The following SEMA4D variants were observed in gnomAD, a reference collection of about 807,000 sequenced individuals.
SEMA4D encodes semaphorin-4D.
SEMA4D carries 22 observed loss-of-function variants against 74.8 expected under a neutral mutation model. That is an observed-to-expected ratio of 0.29 (90% confidence interval 0.21 to 0.42). The LOEUF is 0.42. Ranked by LOEUF, SEMA4D falls within the 10% of genes least tolerant of loss-of-function variation. The pLI is 1.00. For synonymous variants in SEMA4D, 445 were observed against 463.7 expected (o/e 0.96, Z 0.52); for missense variants, 937 against 1,118.4 (o/e 0.84, Z 2.31).
At chr9:89,466,082 G>A (rs1398308398) in intron 1 of SEMA4D, among the ~76,000 whole-genome samples, 1 of 152,122 alleles carries the variant, frequency 6.6e-6, no homozygotes, top group African/African-American at 2.4e-5. Context: ...GGTGTCCAAG[G>A]CACCATGAAG....
chr9:89,449,906 C>A, intron 2 of SEMA4D: 2 of 1,438,136 alleles, frequency 1.4e-6, no homozygotes, highest in African/African-American at 1.4e-5. Context: ...ATGTGAATGG[C>A]TTCATCACTA....
intron 1 of SEMA4D, among the ~76,000 whole-genome samples, chr9:89,481,573 C>A (rs1043861072): frequency 2.0e-5 from 3 of 152,244 alleles, no homozygotes; most frequent in Non-Finnish European, 4.4e-5. Flanking sequence ...GAGAGGGCAG[C>A]AGACACCCGT....
chr9:89,462,666 C>A (rs1238607084), intron 1 of SEMA4D, among the ~76,000 whole-genome samples: 1 of 151,980 alleles, frequency 6.6e-6, no homozygotes, highest in Non-Finnish European at 1.5e-5. Context: ...CTGTCCCAGC[C>A]AGATGCAGGG....
At chr9:89,435,139 C>A (rs1291932768) in intron 2 of SEMA4D, among the ~76,000 whole-genome samples, 1 of 152,110 alleles carries the variant, frequency 6.6e-6, no homozygotes, top group African/African-American at 2.4e-5. Context: ...GGCTGCACAT[C>A]CCCCAGGGCA....
chr9:89,383,336 G>A (rs1477507642), intron 13 of SEMA4D, among the ~76,000 whole-genome samples: 4 of 152,202 alleles, frequency 2.6e-5, no homozygotes, highest in African/African-American at 4.8e-5. Flanking sequence ...GTGGTGACTT[G>A]GACAGAATGA....
chr9:89,396,924 A>ACAGACC, intron 5 of SEMA4D, 89 bp from the exon 6 acceptor site: 1 of 1,182,918 alleles, frequency 8.5e-7, no homozygotes, highest in Non-Finnish European at 1.2e-6. Flanking sequence ...TCTCAGGGGC[A>ACAGACC]CAGACCCACA....
chr9:89,435,912 C>T (rs1193550064), intron 2 of SEMA4D, among the ~76,000 whole-genome samples: 3 of 152,222 alleles, frequency 2.0e-5, no homozygotes, highest in South Asian at 2.1e-4. Context: ...TCTGCTGTGC[C>T]GCATCCCAAT....
intron 1 of SEMA4D, among the ~76,000 whole-genome samples, chr9:89,473,169 T>C (rs964274063): frequency 1.3e-5 from 2 of 152,198 alleles, no homozygotes; most frequent in Admixed American, 6.5e-5. Context: ...TCCTAAGATA[T>C]TGTAAATGAT....
At chr9:89,393,424 T>C (rs558362208) in intron 7 of SEMA4D, 138 bp downstream of exon 7, 6 of 680,806 alleles carry the variant, frequency 8.8e-6, no homozygotes, top group Non-Finnish European at 1.3e-5. Context: ...TGCAGTCACA[T>C]GTGCCTTTTG....
Position 89,381,274 on chromosome 9 carries a change from C to G in SEMA4D, c.1519G>C (p.Gly507Arg), listed in dbSNP as rs756268107. ...GCCAGCACACAGTCCTCGCAGGTGC[C>G]GTGCTTCCCACAGAAGGCCAGCGGG... The part of the protein sequence containing the change: ...QAPLAFCGKH[G>R]TCEDCVLARD... The change falls in exon 14 of 16, where the codon GGC becomes CGC. Residue 507 changes from glycine (G) to arginine (R), a missense_variant. Transcript: ENST00000422704. The surrounding 1 kb of genome is among the most constrained non-coding windows in gnomAD (Gnocchi z 4.6). 1 of 1,590,144 alleles carries G rather than the reference C, an allele frequency of 6.3e-7. No individual in the cohort carries two copies. The highest frequency in any genetic ancestry group is 2.3e-5 in the East Asian group (1 of 43,924).
chr9:89,438,527 C>G (rs572123285), intron 2 of SEMA4D, among the ~76,000 whole-genome samples: 2 of 152,350 alleles, frequency 1.3e-5, no homozygotes, highest in African/African-American at 4.8e-5. Context: ...GAAAGCTATG[C>G]CAGTCAAACC....
intron 2 of SEMA4D, among the ~76,000 whole-genome samples, chr9:89,416,409 C>A (rs980424761): frequency 1.3e-5 from 2 of 152,166 alleles, no homozygotes; most frequent in African/African-American, 4.8e-5. Context: ...TAAAGCTGGT[C>A]TACACGAACT....
At chr9:89,369,856 TAA>T (rs1374025765) in intron 16 of SEMA4D, among the ~76,000 whole-genome samples, 1 of 148,654 alleles carries the variant, frequency 6.7e-6, no homozygotes, top group Non-Finnish European at 1.5e-5. Flanking sequence ...GAAACGATCC[TAA>T]GTCAACAATG....
Position 89,402,935 on chromosome 9 carries a change from T to C in SEMA4D, c.188A>G (p.Tyr63Cys). 4 of 1,614,098 alleles carry C rather than the reference T, an allele frequency of 2.5e-6. No homozygotes were observed. Among genetic ancestry groups the C allele is most frequent in the Non-Finnish European group, 3.4e-6 (4 of 1,179,926 alleles). Residue 63 changes from tyrosine to cysteine, a missense_variant, in exon 4 of 16, where the codon TAC (tyrosine) becomes TGC (cysteine). Physicochemically the swap from Tyr to Cys is radical, Grantham distance 194 (BLOSUM62 -2). Transcript: ENST00000422704. Reference sequence around the variant, plus strand: ...GAAGACCGCCTCCCGGGCACCTATGTACAAGGTGTCCTTGTCCTCGCTCAG... The same window carrying C: ...GAAGACCGCCTCCCGGGCACCTATGCACAAGGTGTCCTTGTCCTCGCTCAG... ...LLLSEDKDTL[Y>C]IGAREAVFAV...
At chr9:89,362,105 C>T (rs45559838) in exon 19 of SEMA4D, 13 of 559,132 alleles carry the variant, frequency 2.3e-5, no homozygotes, top group Non-Finnish European at 4.2e-5. Flanking sequence ...TCACGAGCAG[C>T]TATCAAAGCC....
intron 1 of SEMA4D, among the ~76,000 whole-genome samples, chr9:89,462,768 G>C (rs1319207027): frequency 2.6e-5 from 4 of 151,222 alleles, no homozygotes; most frequent in African/African-American, 9.7e-5. Flanking sequence ...AACAAAGTGA[G>C]AGCCTGTCTC....
intron 1 of SEMA4D, among the ~76,000 whole-genome samples, chr9:89,471,744 GCTCAGGTGCATGCCAA>G (rs1428731093): frequency 5.7e-4 from 86 of 151,262 alleles, no homozygotes; most frequent in African/African-American, 1.9e-3. Flanking sequence ...GTGCATGCCA[GCTCAGGTGCATGCCAA>G]CTCAGGTGCA....
At position 89,445,622 on chromosome 9, in the gene SEMA4D, GATTT is replaced by G. The variant is rs1587945158; in HGVS notation, c.-244+10262_-244+10265del. Among the ~76,000 whole-genome samples the G allele has an allele frequency of 2.0e-5, 3 of 152,280 alleles. No homozygotes were observed. In the East Asian group the frequency reaches 5.8e-4, roughly 29 times the overall value. On this transcript the variant is annotated intron_variant, in intron 2 of 15. Transcript: ENST00000422704. ...TAGGATGTGCACAGGGAGAGAGAGA[GATTT>G]ATTATGTGCTCGGCTCACGTGATTA...
At chr9:89,367,138 T>C (rs1833797342) in intron 16 of SEMA4D, 1 of 152,588 alleles carries the variant, frequency 6.6e-6, no homozygotes, top group Non-Finnish European at 1.5e-5. Flanking sequence ...ATGTATTCGT[T>C]TTTAAACTAT....
Sources: gnomAD v4.1 joint callset for allele counts (sites outside exome capture counted in the v4.1 genomes callset) on GRCh38, gnomAD v4.1.1 for gene constraint, Gnocchi (gnomAD v3.1) non-coding constraint, MANE v1.5 for transcripts, NCBI Gene and HGNC (gene_info 2026-07-23, HGNC 2026-07-21) for gene names.